Variants in ZFHX3 observed in about 807,000 individuals in gnomAD.
The protein encoded by ZFHX3 is zinc finger homeobox 3, also known as zinc finger homeobox protein 3.
ZFHX3 carries 42 observed loss-of-function variants against 279.1 expected under a neutral mutation model. That is an observed-to-expected ratio of 0.15 (90% CI 0.12 to 0.19). The LOEUF is 0.19. ZFHX3 is among the 10% of genes least tolerant of loss of function. The pLI is 1.00. For missense variants in ZFHX3, 4,981 were observed against 4,754.0 expected (o/e 1.05, Z -1.40); for synonymous variants, 2,293 against 1,957.8 (o/e 1.17, Z -4.52).
intron 2 of ZFHX3, among the ~76,000 whole-genome samples, chr16:72,952,330 C>T (rs1171425808): frequency 6.6e-6 from 1 of 152,216 alleles, no homozygotes; most frequent in African/African-American, 2.4e-5. Context: ...TCAGTCAATG[C>T]TGCCAACCCT....
chr16:73,015,477 G>C (rs1261131109), intron 1 of ZFHX3: 1 of 152,208 alleles, frequency 6.6e-6, no homozygotes, highest in African/African-American at 2.4e-5. Context: ...CAGAAAAACA[G>C]TAGTTGGACA....
At chr16:73,715,901 C>A (rs2053410050) in intron 1 of ZFHX3, among the ~76,000 whole-genome samples, 1 of 152,096 alleles carries the variant, frequency 6.6e-6, no homozygotes, top group African/African-American at 2.4e-5. Context: ...TCTAGGTCTC[C>A]TGGCTCCAAA....
intron 1 of ZFHX3, among the ~76,000 whole-genome samples, chr16:73,867,619 A>T (rs1483771333): frequency 1.3e-5 from 2 of 152,224 alleles, no homozygotes; most frequent in Admixed American, 1.3e-4. Flanking sequence ...TCCTCATGGT[A>T]CTTAACACTT....
intron 5 of ZFHX3, among the ~76,000 whole-genome samples, chr16:73,204,661 C>A (rs2011733417): frequency 1.3e-5 from 2 of 152,298 alleles, no homozygotes; most frequent in African/African-American, 4.8e-5. Flanking sequence ...TGAGGGAACC[C>A]TGCTGTCTTG....
intron 5 of ZFHX3, among the ~76,000 whole-genome samples, chr16:73,156,261 T>C (rs79224700): frequency 0.018 from 2,601 of 145,776 alleles, 74 homozygotes; most frequent in African/African-American, 0.061. Context: ...AGACTATATA[T>C]AAAGTGTTCT....
intron 4 of ZFHX3, among the ~76,000 whole-genome samples, chr16:72,846,614 C>T (rs2037486999): frequency 6.6e-6 from 1 of 152,236 alleles, no homozygotes; most frequent in African/African-American, 2.4e-5. Flanking sequence ...GGACTGCAGT[C>T]TTTATGCATC....
chr16:72,938,781 C>A (rs994863677), intron 3 of ZFHX3, among the ~76,000 whole-genome samples: 5 of 152,200 alleles, frequency 3.3e-5, no homozygotes, highest in Admixed American at 1.3e-4. Flanking sequence ...GAGGTCAGAG[C>A]TCTTGTCCCT....
chr16:73,503,007 A>G (rs1174976599), intron 2 of ZFHX3, among the ~76,000 whole-genome samples: 1 of 152,156 alleles, frequency 6.6e-6, no homozygotes, highest in East Asian at 1.9e-4. Flanking sequence ...TGGCTTCGTG[A>G]TGGGATGATC....
intron 3 of ZFHX3, among the ~76,000 whole-genome samples, chr16:72,925,501 A>T (rs1959400476): frequency 6.6e-6 from 1 of 152,254 alleles, no homozygotes; most frequent in African/African-American, 2.4e-5. Context: ...CCACCGCAGC[A>T]ATGCTGCATA....
intron 5 of ZFHX3, among the ~76,000 whole-genome samples, chr16:72,818,400 T>C (rs1283544979): frequency 6.6e-6 from 1 of 152,222 alleles, no homozygotes; most frequent in African/African-American, 2.4e-5. Flanking sequence ...TGGGCTTTCT[T>C]ACTTGAATCT....
chr16:73,602,976 T>C (rs1185149103), intron 2 of ZFHX3, among the ~76,000 whole-genome samples: 3 of 139,034 alleles, frequency 2.2e-5, no homozygotes, highest in Admixed American at 7.5e-5. Flanking sequence ...CCTTAAGATA[T>C]CCTGCAAGTC....
rs551325917 is a variant in ZFHX3, at chr16:72,799,324, AT to A, written c.3968-611del. ...TCAAGTGTTCAATTATTTAAAATAC[AT>A]TTTTTTCCCTACAATGAGATCATCA... On this transcript the variant is annotated intron_variant, in intron 8 of 9. Coordinates refer to ENST00000268489, the MANE Select transcript of ZFHX3 (RefSeq NM_006885.4). 7.2e-5 allele frequency among the ~76,000 whole-genome samples: 11 copies of A among 152,108 alleles called. No individual in the cohort carries two copies. The South Asian group carries it at 1.0e-3, about 14-fold the overall frequency.
At chr16:73,483,380 G>C in intron 2 of ZFHX3, 1 of 455,532 alleles carries the variant, frequency 2.2e-6, no homozygotes, top group South Asian at 1.5e-5. Context: ...TTCCTCAAGA[G>C]AGCCGGGAGC....
intron 1 of ZFHX3, among the ~76,000 whole-genome samples, chr16:73,010,377 A>G (rs1963873119): frequency 6.6e-6 from 1 of 152,242 alleles, no homozygotes; most frequent in Non-Finnish European, 1.5e-5. Flanking sequence ...GATGACAGGA[A>G]AACCCGCTGG....
At chr16:72,957,059 G>A (rs1961283412) in intron 2 of ZFHX3, among the ~76,000 whole-genome samples, 1 of 152,122 alleles carries the variant, frequency 6.6e-6, no homozygotes, top group Non-Finnish European at 1.5e-5. Context: ...ACAGTTTCCT[G>A]TAAGTTTCAG....
chr16:73,241,079 G>A (rs2013107223), intron 5 of ZFHX3, among the ~76,000 whole-genome samples: 1 of 152,142 alleles, frequency 6.6e-6, no homozygotes, highest in Admixed American at 6.6e-5. Context: ...GCAAAGACTA[G>A]GCAATTGATG....
chr16:73,669,671 G>C (rs1174477725), intron 2 of ZFHX3, among the ~76,000 whole-genome samples: 1 of 152,188 alleles, frequency 6.6e-6, no homozygotes, highest in African/African-American at 2.4e-5. Flanking sequence ...TCTTTATAGA[G>C]GCTTTGCCTG....
intron 4 of ZFHX3, among the ~76,000 whole-genome samples, chr16:72,886,142 G>C (rs900679249): frequency 2.0e-5 from 3 of 152,186 alleles, no homozygotes; most frequent in Non-Finnish European, 4.4e-5. Flanking sequence ...TTTTCTTAAA[G>C]TGGTTCCTAA....
At chr16:73,472,600 C>G (rs1164045211) in intron 2 of ZFHX3, among the ~76,000 whole-genome samples, 4 of 152,184 alleles carry the variant, frequency 2.6e-5, no homozygotes. Flanking sequence ...CCTTCATTTT[C>G]CCTCCTTCTC....
Sources: gnomAD v4.1 joint callset for allele counts (sites outside exome capture counted in the v4.1 genomes callset) on GRCh38, gnomAD v4.1.1 for gene constraint, MANE v1.5 for transcripts, NCBI Gene and HGNC (gene_info 2026-07-23, HGNC 2026-07-21) for gene names.